The following RUSC2 variants were observed in gnomAD, a reference collection of about 807,000 sequenced individuals.
RUSC2 encodes RUN and SH3 domain containing 2.
A neutral mutation model predicts 122.2 loss-of-function variants in RUSC2; 34 were observed. The ratio of observed to expected loss-of-function variants is 0.28; its 90% CI spans 0.21 to 0.37. The LOEUF (loss-of-function observed/expected upper bound fraction) is 0.37. Ranked by LOEUF, RUSC2 falls within the 10% of genes least tolerant of loss-of-function variation. The pLI is 1.00. For missense variants in RUSC2, 1,747 were observed against 1,952.4 expected (o/e 0.89, Z 1.98); for synonymous variants, 784 against 790.0 (o/e 0.99, Z 0.13).
intron 1 of RUSC2, among the ~76,000 whole-genome samples, chr9:35,529,071 A>G (rs10814249): frequency 0.71 from 108,592 of 152,100 alleles, 41,762 homozygotes; most frequent in Non-Finnish European, 0.87. Context: ...TGGGTAGCTC[A>G]CTAGCCATTT....
At chr9:35,552,565 G>T (rs2132561464) in intron 2 of RUSC2, among the ~76,000 whole-genome samples, 1 of 152,314 alleles carries the variant, frequency 6.6e-6, no homozygotes, top group South Asian at 2.1e-4. Context: ...GATTGAGTCA[G>T]CAGTTGGTAG....
At chr9:35,521,068 C>T (rs1821205618) in intron 1 of RUSC2, among the ~76,000 whole-genome samples, 1 of 152,158 alleles carries the variant, frequency 6.6e-6, no homozygotes, top group South Asian at 2.1e-4. Context: ...AAGCCAGGCA[C>T]CTGGGAGTAT....
chr9:35,495,022 T>A (rs1426824005), intron 1 of RUSC2, among the ~76,000 whole-genome samples: 2 of 35,046 alleles, frequency 5.7e-5, no homozygotes, highest in African/African-American at 1.0e-4. Context: ...AGTATATATT[T>A]TATATATTAT....
chr9:35,534,178 T>G (rs937771088), intron 1 of RUSC2, among the ~76,000 whole-genome samples: 2 of 152,136 alleles, frequency 1.3e-5, no homozygotes, highest in Non-Finnish European at 2.9e-5. Context: ...GTATCTCACT[T>G]TAGTTTTGAT....
At chr9:35,492,847 C>T (rs1820594542) in intron 1 of RUSC2, among the ~76,000 whole-genome samples, 1 of 152,102 alleles carries the variant, frequency 6.6e-6, no homozygotes, top group African/African-American at 2.4e-5. Context: ...CTCCCTACTC[C>T]GCCCCAGGCA....
Position 35,557,806 on chromosome 9 carries a change from CG to C in RUSC2, c.2984-106del. 1 of 856,632 alleles carries C rather than the reference CG, an allele frequency of 1.2e-6. No individual in the cohort carries two copies. The highest frequency in any genetic ancestry group is 2.0e-6 in the Non-Finnish European group (1 of 495,734). The allele number at this position is 856,632 out of a possible 1,614,324, so 53.1% of individuals were successfully genotyped here. A position where few individuals can be genotyped will look rare whatever the true frequency, so the allele number is the denominator to read the frequency against. ...TAAGACCCATGTGCAGATGTGGAGA[CG>C]GAGTAAGTGTGGGAGCCCTTTCCCT... On this transcript the variant is annotated intron_variant, in intron 5 of 11. Coordinates refer to ENST00000361226, the MANE Select transcript of RUSC2 (RefSeq NM_014806.5). The surrounding 1 kb of genome is among the most constrained non-coding windows in gnomAD (Gnocchi z 4.6).
chr9:35,493,566 C>T lies in RUSC2; in HGVS notation c.-93+3394C>T, dbSNP rs1173321153. Among the ~76,000 whole-genome samples, 8 of 152,212 alleles carry T rather than the reference C, an allele frequency of 5.3e-5. No individual in the cohort carries two copies. The South Asian group carries it at 8.3e-4, about 16-fold the overall frequency. On this transcript the variant is annotated intron_variant, in intron 1 of 11. Transcript: ENST00000361226. ...TCAACCAGGCTAGAGTGCAGTGGCA[C>T]GATCTTGGCTCACTGCAACTTTTGC...
chr9:35,561,660 C>T lies in RUSC2; in HGVS notation c.*278C>T. The T allele has an allele frequency of 1.8e-6, 1 of 543,278 alleles. No individual in the cohort carries two copies. Among genetic ancestry groups the T allele is most frequent in the Non-Finnish European group, 3.2e-6 (1 of 309,086 alleles). 33.7% of individuals were successfully genotyped at this position (543,278 alleles called of 1,614,324 possible). A position where few individuals can be genotyped will look rare whatever the true frequency, so the allele number is the denominator to read the frequency against. On this transcript the variant is annotated 3_prime_UTR_variant, in exon 12 of 12. Transcript: ENST00000361226. ...GGGCCAACCCTTCCATGGGTGAAGA[C>T]AAGCAAGTCCCCCTGGAGGCGGGTG... is the stretch of plus-strand genomic sequence containing the variant.
chr9:35,519,051 A>G (rs1165172034), intron 1 of RUSC2, among the ~76,000 whole-genome samples: 1 of 152,216 alleles, frequency 6.6e-6, no homozygotes, highest in African/African-American at 2.4e-5. Flanking sequence ...GTTTGGCACT[A>G]GACAGCTGGA....
intron 1 of RUSC2, among the ~76,000 whole-genome samples, chr9:35,500,006 T>A (rs972627763): frequency 5.9e-5 from 9 of 152,238 alleles, no homozygotes; most frequent in Admixed American, 3.3e-4. Flanking sequence ...TAAAGTTGGC[T>A]GTATTCTATT....
Position 35,561,456 on chromosome 9 carries a change from C to T in RUSC2, c.*74C>T. The T allele has an allele frequency of 7.6e-7, 1 of 1,321,508 alleles. No individual in the cohort carries two copies. Among genetic ancestry groups the T allele is most frequent in the Non-Finnish European group, 1.0e-6 (1 of 953,734 alleles). The allele number at this position is 1,321,508 out of a possible 1,614,324, so 81.9% of individuals were successfully genotyped here. On this transcript the variant is annotated 3_prime_UTR_variant, in exon 12 of 12. Transcript: ENST00000361226. ...CAGAGCCCGAGAGCCCTTCCCAAGC[C>T]ATTGGCTTGGCTGCAGAGTAGACTG...
At position 35,555,154 on chromosome 9, in the gene RUSC2, C is replaced by G. The variant is rs754308469; in HGVS notation, c.2109C>G (p.Phe703Leu). Residue 703 changes from phenylalanine to leucine, a missense_variant, in exon 3 of 12, where the codon TTC (phenylalanine) becomes TTG (leucine). Phe to Leu is a conservative substitution (Grantham distance 22, BLOSUM62 0). Coordinates refer to ENST00000361226, the MANE Select transcript of RUSC2 (RefSeq NM_014806.5). The surrounding 1 kb of genome is among the most constrained non-coding windows in gnomAD (Gnocchi z 4.6). ...PIQPFVFQHHFPKQLAKARAL... is the reference protein window; with the variant it reads ...PIQPFVFQHHLPKQLAKARAL... ...AGCCCTTCGTGTTCCAGCACCACTT[C>G]CCCAAGCAGCTGGCCAAGGCCCGGG... is the stretch of plus-strand genomic sequence containing the variant. 7.4e-6 allele frequency: 12 copies of G among 1,613,760 alleles called. No homozygotes were observed. The highest frequency in any genetic ancestry group is 7.6e-6 in the Non-Finnish European group (9 of 1,180,042).
intron 8 of RUSC2, 96 bp from the exon 9 acceptor site, chr9:35,559,130 G>A (rs1822086794): frequency 1.0e-6 from 1 of 968,554 alleles, no homozygotes; most frequent in Non-Finnish European, 1.7e-6. Flanking sequence ...GGAAGGGCGT[G>A]TTCACCTATT....
intron 1 of RUSC2, among the ~76,000 whole-genome samples, chr9:35,490,567 T>A (rs977336683): frequency 2.0e-5 from 3 of 152,132 alleles, no homozygotes; most frequent in African/African-American, 7.2e-5. Flanking sequence ...TGTGACGGCT[T>A]TGGGGAAGCG....
intron 1 of RUSC2, among the ~76,000 whole-genome samples, chr9:35,525,522 G>A (rs551281459): frequency 4.0e-4 from 61 of 151,590 alleles, no homozygotes; most frequent in African/African-American, 9.4e-4. Context: ...ATTTTTGGTC[G>A]AGCACGGTGG....
In RUSC2 at chr9:35,547,880, C is replaced by A; in HGVS notation, c.1359C>A (p.Val453=). 1 of 1,614,220 alleles carries A rather than the reference C, an allele frequency of 6.2e-7. No individual in the cohort carries two copies. Among genetic ancestry groups the A allele is most frequent in the Non-Finnish European group, 8.5e-7 (1 of 1,180,050 alleles). ...ATTACCTATTCCAGAAGCCAGAAGT[C>A]CAGCCAGAGGAACAAGAAGCAGTGA... ...SEYYLFQKPE[V]QPEEQEAVSS... Residue 453 remains valine, a synonymous_variant, in exon 2 of 12, where the codon GTC becomes GTA. Transcript: ENST00000361226. This position sits in a 1 kb window ranked among gnomAD's most constrained non-coding sequence, Gnocchi z 4.6.
intron 1 of RUSC2, among the ~76,000 whole-genome samples, chr9:35,505,334 G>A (rs975700684): frequency 6.6e-5 from 10 of 152,110 alleles, no homozygotes; most frequent in Non-Finnish European, 1.3e-4. Context: ...GGAACTCTTT[G>A]TATGCACATG....
At chr9:35,512,138 G>A (rs532887749) in intron 1 of RUSC2, among the ~76,000 whole-genome samples, 4 of 151,986 alleles carry the variant, frequency 2.6e-5, no homozygotes, top group South Asian at 2.1e-4. Flanking sequence ...CCAAGATCGC[G>A]CCACTGCACT....
chr9:35,498,485 G>A lies in RUSC2; in HGVS notation c.-93+8313G>A, dbSNP rs1421746745. Among the ~76,000 whole-genome samples, 10 of 152,022 alleles carry A rather than the reference G, an allele frequency of 6.6e-5. No individual in the cohort carries two copies. The East Asian group carries it at 1.5e-3, about 23-fold the overall frequency. Reference sequence around the variant, plus strand: ...CCCCGGGAGGCAGAGGTTGCAGTGAGCCAAGATCATGCCACTGAGCTGAGA... The same window carrying A: ...CCCCGGGAGGCAGAGGTTGCAGTGAACCAAGATCATGCCACTGAGCTGAGA... On this transcript the variant is annotated intron_variant, in intron 1 of 11. Transcript: ENST00000361226.
Sources: gnomAD v4.1 joint callset for allele counts (sites outside exome capture counted in the v4.1 genomes callset) on GRCh38, gnomAD v4.1.1 for gene constraint, Gnocchi (gnomAD v3.1) non-coding constraint, MANE v1.5 for transcripts, NCBI Gene and HGNC (gene_info 2026-07-23, HGNC 2026-07-21) for gene names.